Variants in SCIN observed in about 807,000 individuals in gnomAD.
SCIN encodes the protein scinderin.
A neutral mutation model predicts 91.8 loss-of-function variants in SCIN; 91 were observed. The observed-to-expected ratio is 0.99, with a 90% CI of 0.84 to 1.18. The LOEUF is 1.18. Ranked by LOEUF, SCIN falls within the 50% of genes most tolerant of loss-of-function variation. The pLI is 0.00. For synonymous variants in SCIN, 367 were observed against 312.6 expected (o/e 1.17, Z -1.84); for missense variants, 1,087 against 863.9 (o/e 1.26, Z -3.24).
At chr7:12,622,042 G>T (rs1783420696) in intron 4 of SCIN, among the ~76,000 whole-genome samples, 1 of 151,608 alleles carries the variant, frequency 6.6e-6, no homozygotes, top group South Asian at 2.1e-4. Context: ...GTTTATATTT[G>T]ATTCCTGTCC....
In SCIN at chr7:12,653,433, T is replaced by C. The variant is rs1262740516; in HGVS notation, c.*718T>C. ...GTTATTCTCTTTTCTATAGATTGTG[T>C]TCAAAAGATGTGTATACTTGCAATA... On this transcript the variant is annotated 3_prime_UTR_variant, in exon 16 of 16. Coordinates refer to ENST00000297029, the MANE Select transcript of SCIN (RefSeq NM_001112706.3). This position sits in a 1 kb window ranked among gnomAD's most constrained non-coding sequence, Gnocchi z 4.1. The C allele has an allele frequency of 2.0e-5, 3 of 152,102 alleles. No homozygotes were observed. The highest frequency in any genetic ancestry group is 4.8e-5 in the African/African-American group (2 of 41,354). 9.4% of individuals were successfully genotyped at this position (152,102 alleles called of 1,614,324 possible).
At position 12,578,129 on chromosome 7, in the gene SCIN, T is replaced by A; in HGVS notation, c.265T>A (p.Leu89Met). The change falls in exon 2 of 16, where the codon TTG (leucine) becomes ATG (methionine). Residue 89 changes from leucine (L) to methionine (M), a missense_variant. Transcript: ENST00000297029. ...CTTCACTGTTCAGATGGATGACTAT[T>A]TGGGTGGCAAGCCAGTGCAGAATAG... ...AIFTVQMDDYLGGKPVQNREL... is the reference protein window; with the variant it reads ...AIFTVQMDDYMGGKPVQNREL... 2 of 1,551,218 alleles carry A rather than the reference T, an allele frequency of 1.3e-6. No individual in the cohort carries two copies. The highest frequency in any genetic ancestry group is 2.4e-5 in the South Asian group (2 of 83,942).
intron 4 of SCIN, among the ~76,000 whole-genome samples, chr7:12,607,313 A>G (rs1334137373): frequency 2.0e-5 from 3 of 152,192 alleles, no homozygotes; most frequent in Non-Finnish European, 4.4e-5. Flanking sequence ...CTCATTTGCC[A>G]CTTGTAGTCT....
chr7:12,615,985 A>G (rs1015010924), intron 4 of SCIN, among the ~76,000 whole-genome samples: 1 of 152,132 alleles, frequency 6.6e-6, no homozygotes, highest in Non-Finnish European at 1.5e-5. Context: ...TCATATAAAT[A>G]TGTGTATATG....
chr7:12,638,132 T>TAA, intron 10 of SCIN, among the ~76,000 whole-genome samples: 1 of 152,340 alleles, frequency 6.6e-6, no homozygotes, highest in South Asian at 2.1e-4. Flanking sequence ...CTTTGTTTTT[T>TAA]AGATTCCCTT....
At chr7:12,604,025 A>G (rs958466253) in intron 3 of SCIN, among the ~76,000 whole-genome samples, 4 of 152,060 alleles carry the variant, frequency 2.6e-5, no homozygotes, top group Non-Finnish European at 5.9e-5. Context: ...CTTTACATAT[A>G]TTAATTATCT....
At chr7:12,627,166 A>G (rs1043729876) in intron 8 of SCIN, among the ~76,000 whole-genome samples, 55 of 152,196 alleles carry the variant, frequency 3.6e-4, no homozygotes, top group African/African-American at 1.3e-3. Context: ...ATATATATTT[A>G]TAAATGTATA....
intron 3 of SCIN, among the ~76,000 whole-genome samples, chr7:12,592,702 AGT>A (rs997251594): frequency 6.6e-6 from 1 of 152,056 alleles, no homozygotes; most frequent in Non-Finnish European, 1.5e-5. Context: ...ATAAGGAAAG[AGT>A]GTGAGAAAAT....
intron 13 of SCIN, among the ~76,000 whole-genome samples, chr7:12,648,033 G>A (rs748297921): frequency 1.3e-5 from 2 of 152,060 alleles, no homozygotes; most frequent in East Asian, 1.9e-4. Context: ...AAACTCCTGC[G>A]TAAGGATCAG....
At chr7:12,612,958 A>AT (rs1430731651) in intron 4 of SCIN, among the ~76,000 whole-genome samples, 2 of 152,300 alleles carry the variant, frequency 1.3e-5, no homozygotes, top group East Asian at 3.9e-4. Context: ...CTTGGCAATC[A>AT]TCTCTGAATG....
At chr7:12,648,201 T>A (rs568088776) in intron 13 of SCIN, among the ~76,000 whole-genome samples, 11 of 152,192 alleles carry the variant, frequency 7.2e-5, no homozygotes, top group East Asian at 3.9e-4. Context: ...ATAAAAAAAA[T>A]TTTGTACATG....
At chr7:12,579,344 C>T (rs1782442165) in intron 2 of SCIN, among the ~76,000 whole-genome samples, 1 of 152,142 alleles carries the variant, frequency 6.6e-6, no homozygotes, top group Non-Finnish European at 1.5e-5. Context: ...AAAACTATTA[C>T]CTCTCATTTT....
intron 1 of SCIN, among the ~76,000 whole-genome samples, chr7:12,575,684 G>A (rs149489190): frequency 2.6e-4 from 40 of 152,260 alleles, no homozygotes; most frequent in African/African-American, 9.1e-4. Context: ...ACACGGCACA[G>A]CATAGTATAA....
intron 3 of SCIN, among the ~76,000 whole-genome samples, chr7:12,598,621 A>G (rs1488522920): frequency 1.3e-5 from 2 of 152,236 alleles, no homozygotes; most frequent in East Asian, 3.8e-4. Context: ...GGCCTGGCAC[A>G]GTGGCTCATG....
intron 1 of SCIN, among the ~76,000 whole-genome samples, chr7:12,576,367 TG>T (rs144069294): frequency 0.46 from 68,532 of 149,952 alleles, 15,767 homozygotes; most frequent in Middle Eastern, 0.5. Flanking sequence ...TGTTTTTTTT[TG>T]TTGTTGTTGT....
chr7:12,635,611 CA>C (rs59324421), intron 9 of SCIN, among the ~76,000 whole-genome samples: 325 of 5,806 alleles, frequency 0.056, no homozygotes, highest in African/African-American at 0.1. Flanking sequence ...GACTCCGTCT[CA>C]AAAAAAAAAA....
intron 7 of SCIN, 135 bp downstream of exon 7, chr7:12,625,985 C>A: frequency 1.7e-6 from 1 of 600,110 alleles, no homozygotes; most frequent in Non-Finnish European, 2.9e-6. Context: ...CTGTCTGCTG[C>A]AATCTGGTGT....
intron 9 of SCIN, among the ~76,000 whole-genome samples, chr7:12,634,880 G>A (rs1783716216): frequency 6.6e-6 from 1 of 152,080 alleles, no homozygotes; most frequent in South Asian, 2.1e-4. Flanking sequence ...CTCTTGTATA[G>A]CCTTATTAAT....
intron 1 of SCIN, among the ~76,000 whole-genome samples, chr7:12,573,648 CCT>C (rs1782312518): frequency 1.3e-5 from 2 of 152,154 alleles, no homozygotes; most frequent in Non-Finnish European, 2.9e-5. Context: ...CATCCATTCA[CCT>C]CTGTTTGTAG....
Sources: allele counts gnomAD v4.1 joint callset (sites outside exome capture counted in the v4.1 genomes callset), GRCh38; gene constraint gnomAD v4.1.1; non-coding constraint Gnocchi (gnomAD v3.1); transcripts MANE v1.5; gene names NCBI Gene and HGNC (gene_info 2026-07-23, HGNC 2026-07-21).